COL19A1: variants seen among roughly 807,000 people sequenced by gnomAD.
COL19A1 encodes the protein collagen alpha-1(XIX) chain.
A neutral mutation model predicts 190.2 loss-of-function variants in COL19A1; 159 were observed. The observed-to-expected ratio is 0.84, with a 90% CI of 0.73 to 0.95. The LOEUF (loss-of-function observed/expected upper bound fraction) is 0.95, where lower values mean the gene tolerates loss of function less well. Ranked by LOEUF, COL19A1 falls within the 40% of genes least tolerant of loss-of-function variation. COL19A1 has a pLI of 0.00. For missense variants in COL19A1, 1,418 were observed against 1,431.9 expected, an observed-to-expected ratio of 0.99 and a Z score of 0.16; for synonymous variants, 509 against 458.9, an observed-to-expected ratio of 1.11 and a Z score of -1.39.
chr6:70,138,594 T>A (rs1201558695), intron 19 of COL19A1, among the ~76,000 whole-genome samples: 1 of 152,150 alleles, frequency 6.6e-6, no homozygotes, highest in South Asian at 2.1e-4. Context: ...GGATAAAACA[T>A]GAAGAGGTCA....
intron 11 of COL19A1, among the ~76,000 whole-genome samples, chr6:69,986,634 C>T (rs1776331815): frequency 6.6e-6 from 1 of 152,140 alleles, no homozygotes; most frequent in South Asian, 2.1e-4. Flanking sequence ...GAAGCCCTAT[C>T]TAGAACGAAC....
intron 9 of COL19A1, among the ~76,000 whole-genome samples, chr6:69,949,946 T>C (rs1264881842): frequency 6.6e-6 from 1 of 151,876 alleles, no homozygotes; most frequent in Non-Finnish European, 1.5e-5. Flanking sequence ...AAAGTGAAGA[T>C]TTTTTTCTAA....
At chr6:70,135,387 C>T (rs1402890502) in intron 18 of COL19A1, among the ~76,000 whole-genome samples, 1 of 152,142 alleles carries the variant, frequency 6.6e-6, no homozygotes, top group Non-Finnish European at 1.5e-5. Flanking sequence ...GTAATCAAGC[C>T]TTGGTCCTTC....
intron 9 of COL19A1, 151 bp downstream of exon 9, chr6:69,938,251 A>G: frequency 1.4e-6 from 1 of 723,254 alleles, no homozygotes; most frequent in East Asian, 2.9e-5. Flanking sequence ...TTACTGAAAT[A>G]GAGACTATCA....
chr6:69,963,837 A>C (rs1365635902), intron 11 of COL19A1, among the ~76,000 whole-genome samples: 2 of 152,230 alleles, frequency 1.3e-5, no homozygotes. Context: ...AAGTCATTTG[A>C]TAGTGAAAAT....
intron 11 of COL19A1, among the ~76,000 whole-genome samples, chr6:70,006,727 T>G (rs1777652052): frequency 6.6e-6 from 1 of 152,110 alleles, no homozygotes; most frequent in Non-Finnish European, 1.5e-5. Flanking sequence ...TTAAAAAATA[T>G]AATGTTAAAG....
chr6:69,993,494 C>G (rs898111994), intron 11 of COL19A1, among the ~76,000 whole-genome samples: 3 of 152,090 alleles, frequency 2.0e-5, no homozygotes, highest in Non-Finnish European at 4.4e-5. Context: ...GGAGGGGTCC[C>G]TCCACCTTAG....
intron 11 of COL19A1, among the ~76,000 whole-genome samples, chr6:69,986,857 T>C (rs1367673729): frequency 1.3e-5 from 2 of 152,282 alleles, no homozygotes; most frequent in Admixed American, 6.5e-5. Flanking sequence ...TTGAGTGCAA[T>C]TGCCCATTAG....
chr6:70,119,188 C>G (rs1193044753), intron 16 of COL19A1, among the ~76,000 whole-genome samples: 1 of 152,286 alleles, frequency 6.6e-6, no homozygotes, highest in East Asian at 1.9e-4. Flanking sequence ...GCTCTCCCAA[C>G]CTCTACAAAC....
At chr6:69,927,729 C>A (rs1772489884) in intron 4 of COL19A1, among the ~76,000 whole-genome samples, 180 bp from the exon 5 acceptor site, 1 of 152,134 alleles carries the variant, frequency 6.6e-6, no homozygotes, top group African/African-American at 2.4e-5. Context: ...TTTATACACT[C>A]CAAACTTTAA....
chr6:70,166,098 G>A (rs940140534), intron 37 of COL19A1, 113 bp downstream of exon 37: 2 of 952,010 alleles, frequency 2.1e-6, no homozygotes, highest in Non-Finnish European at 3.4e-6. Context: ...TCTGAATTTC[G>A]TGTATAAATA....
At chr6:70,145,097 T>G in intron 25 of COL19A1, 90 bp downstream of exon 25, 1 of 966,314 alleles carries the variant, frequency 1.0e-6, no homozygotes, top group Non-Finnish European at 1.6e-6. Flanking sequence ...AGTATGGGAA[T>G]AAGTTTAGGT....
chr6:69,922,425 A>G (rs776888482), intron 4 of COL19A1, among the ~76,000 whole-genome samples: 4 of 146,858 alleles, frequency 2.7e-5, no homozygotes, highest in Non-Finnish European at 6.0e-5. Context: ...ATGCAAAAAT[A>G]TTTTCAGCTT....
intron 14 of COL19A1, among the ~76,000 whole-genome samples, chr6:70,044,611 AG>A (rs1779808950): frequency 1.3e-5 from 2 of 152,328 alleles, no homozygotes; most frequent in Non-Finnish European, 2.9e-5. Context: ...CTTAGGAAAT[AG>A]GGTTGCCCAA....
intron 11 of COL19A1, among the ~76,000 whole-genome samples, chr6:70,021,411 T>C (rs1209445578): frequency 6.6e-6 from 1 of 152,194 alleles, no homozygotes; most frequent in African/African-American, 2.4e-5. Context: ...TGAGAATCAT[T>C]ACTTTTGCAT....
chr6:69,910,501 G>T (rs1770842401), intron 4 of COL19A1, among the ~76,000 whole-genome samples: 1 of 152,072 alleles, frequency 6.6e-6, no homozygotes, highest in African/African-American at 2.4e-5. Context: ...AAATTATCTT[G>T]TTATGTCTAT....
chr6:69,920,145 T>G (rs1051862259), intron 4 of COL19A1, among the ~76,000 whole-genome samples: 3 of 152,278 alleles, frequency 2.0e-5, no homozygotes, highest in African/African-American at 7.2e-5. Context: ...AATAAAAATC[T>G]TTCTTAATCT....
In COL19A1 at chr6:70,210,899, T is replaced by C. The variant is rs911054907; in HGVS notation, c.*3625T>C. On this transcript the variant is annotated 3_prime_UTR_variant, in exon 51 of 51. Coordinates refer to ENST00000620364, the MANE Select transcript of COL19A1 (RefSeq NM_001858.6). ...CCTTTGGTTTGTTGACTGTTTTGATTTTATTTCTTTGGTGGATATATATGT... is the reference window on the plus strand; with the variant it reads ...CCTTTGGTTTGTTGACTGTTTTGATCTTATTTCTTTGGTGGATATATATGT... Among the ~76,000 whole-genome samples the C allele has an allele frequency of 6.6e-6, 1 of 152,184 alleles. No homozygotes were observed.
rs79951168 is a variant in COL19A1, at chr6:69,978,278, G to T, written c.1026+15408G>T. 3.6e-3 allele frequency among the ~76,000 whole-genome samples: 548 copies of T among 152,164 alleles called. 2 individuals carry two copies. The highest frequency in any genetic ancestry group is 0.013 in the African/African-American group (534 of 41,502). Reference sequence around the variant, plus strand: ...ATAGAGAGAGAGAAAGAGAGAGAAAGAGAGACAGACACAGAGATAAAGAGA... The same window carrying T: ...ATAGAGAGAGAGAAAGAGAGAGAAATAGAGACAGACACAGAGATAAAGAGA... On this transcript the variant is annotated intron_variant, in intron 11 of 50. Transcript: ENST00000620364.
Sources: gnomAD v4.1 joint callset for allele counts (sites outside exome capture counted in the v4.1 genomes callset) on GRCh38, gnomAD v4.1.1 for gene constraint, MANE v1.5 for transcripts, NCBI Gene and HGNC (gene_info 2026-07-23, HGNC 2026-07-21) for gene names.